The following SNCAIP variants were observed in gnomAD, a reference collection of about 807,000 sequenced individuals.
SNCAIP encodes synuclein alpha interacting protein.
SNCAIP carries 43 observed loss-of-function variants against 86.7 expected under a neutral mutation model. The ratio of observed to expected loss-of-function variants is 0.50; its 90% confidence interval spans 0.39 to 0.64. The LOEUF (loss-of-function observed/expected upper bound fraction) is 0.64, where lower values mean the gene tolerates loss of function less well. SNCAIP is among the 30% of genes least tolerant of loss of function. The pLI, the probability that SNCAIP is intolerant of heterozygous loss-of-function variation, is 0.00. For synonymous variants in SNCAIP, 417 were observed against 427.2 expected, an observed-to-expected ratio of 0.98 and a Z score of 0.29; for missense variants, 981 against 1,103.1, an observed-to-expected ratio of 0.89 and a Z score of 1.57.
chr5:122,383,724 G>A (rs530277613), intron 1 of SNCAIP, among the ~76,000 whole-genome samples: 1 of 152,132 alleles, frequency 6.6e-6, no homozygotes, highest in African/African-American at 2.4e-5. Flanking sequence ...GAATTTTAAT[G>A]TATAAATTAA....
chr5:122,387,796 A>G (rs1768507152), intron 1 of SNCAIP, among the ~76,000 whole-genome samples: 1 of 152,222 alleles, frequency 6.6e-6, no homozygotes, highest in African/African-American at 2.4e-5. Flanking sequence ...TTTTCCTAGT[A>G]CTAAGAGATA....
In SNCAIP at chr5:122,423,445, C is replaced by G; in HGVS notation, c.708C>G (p.Thr236=). The G allele has an allele frequency of 6.2e-7, 1 of 1,613,704 alleles. No homozygotes were observed. The highest frequency in any genetic ancestry group is 8.5e-7 in the Non-Finnish European group (1 of 1,179,912). ...AGCACAAGCTGTCCACTGAAGAAAC[C>G]GAGATCTCACCTCCTCTGGTTAAAT... is the stretch of plus-strand genomic sequence containing the variant. ...HDQHKLSTEE[T]EISPPLVKCG... The change falls in exon 4 of 11, where the codon ACC becomes ACG. Residue 236 remains threonine (T), a synonymous_variant. Transcript: ENST00000261368.
At chr5:122,383,114 G>A in intron 1 of SNCAIP, among the ~76,000 whole-genome samples, 1 of 152,204 alleles carries the variant, frequency 6.6e-6, no homozygotes, top group Non-Finnish European at 1.5e-5. Flanking sequence ...GCAAGCCTGG[G>A]CAATGGCAGG....
At chr5:122,444,288 C>A in intron 7 of SNCAIP, 1 of 525,328 alleles carries the variant, frequency 1.9e-6, no homozygotes, top group Non-Finnish European at 3.6e-6. Flanking sequence ...CTCCCCACCA[C>A]AAAGACTGCA....
chr5:122,390,400 C>A (rs961978645), intron 1 of SNCAIP, among the ~76,000 whole-genome samples: 1 of 152,102 alleles, frequency 6.6e-6, no homozygotes. Context: ...TTGCCCCAGG[C>A]GGCCCTGAGG....
chr5:122,425,674 G>A, intron 5 of SNCAIP, 143 bp downstream of exon 5: 1 of 696,496 alleles, frequency 1.4e-6, no homozygotes, highest in Non-Finnish European at 2.5e-6. Context: ...ATTTAAGAGA[G>A]TAATCATTTC....
At chr5:122,380,698 A>C (rs1160286065) in intron 1 of SNCAIP, among the ~76,000 whole-genome samples, 1 of 148,892 alleles carries the variant, frequency 6.7e-6, no homozygotes, top group Non-Finnish European at 1.5e-5. Context: ...ATTTCCCTCT[A>C]CACACTGCTT....
At chr5:122,430,959 TTAAGA>T (rs1778301557) in intron 5 of SNCAIP, among the ~76,000 whole-genome samples, 1 of 152,190 alleles carries the variant, frequency 6.6e-6, no homozygotes, top group Admixed American at 6.5e-5. Context: ...ATTTTACTAA[TTAAGA>T]TATTTACCTC....
chr5:122,440,593 A>G lies in SNCAIP; in HGVS notation c.1297-36A>G, dbSNP rs1166927058. ...TCTTTTTATCTAACTTCTCTGCAAG[A>G]TATTACATGAATTCCAACTGTCTTT... On this transcript the variant is annotated intron_variant, in intron 6 of 10. Transcript: ENST00000261368. 4 of 1,603,380 alleles carry G rather than the reference A, an allele frequency of 2.5e-6. No individual in the cohort carries two copies. The African/African-American group carries it at 4.0e-5, about 16-fold the overall frequency.
chr5:122,423,218 T>A lies in SNCAIP; in HGVS notation c.481T>A (p.Ser161Thr). The change falls in exon 4 of 11, where the codon TCC becomes ACC. Residue 161 changes from serine to threonine, a missense_variant. Coordinates refer to ENST00000261368, the MANE Select transcript of SNCAIP (RefSeq NM_005460.4). Reference protein sequence around the residue: ...DEILDVPYIKSSQQLASFTKV... With the variant: ...DEILDVPYIKTSQQLASFTKV... ...GATTCTGGATGTGCCTTATATTAAATCCAGTCAGCAGCTTGCCTCTTTTAC... is the reference window on the plus strand; with the variant it reads ...GATTCTGGATGTGCCTTATATTAAAACCAGTCAGCAGCTTGCCTCTTTTAC... 2.5e-6 allele frequency: 4 copies of A among 1,614,152 alleles called. No individual in the cohort carries two copies. Among genetic ancestry groups the A allele is most frequent in the Non-Finnish European group, 3.4e-6 (4 of 1,180,034 alleles).
chr5:122,407,047 C>G (rs1773151249), intron 3 of SNCAIP, among the ~76,000 whole-genome samples: 1 of 151,920 alleles, frequency 6.6e-6, no homozygotes, highest in South Asian at 2.1e-4. Flanking sequence ...GTCCTCTGGC[C>G]CAGGTACTGA....
intron 8 of SNCAIP, among the ~76,000 whole-genome samples, chr5:122,446,816 G>T (rs3811876): frequency 0.05 from 7,631 of 152,252 alleles, 256 homozygotes; most frequent in East Asian, 0.17. Context: ...AATTCTGGGG[G>T]AAGACAGTCT....
chr5:122,328,649 T>G (rs761127437), intron 1 of SNCAIP, among the ~76,000 whole-genome samples: 37 of 152,252 alleles, frequency 2.4e-4, no homozygotes, highest in Non-Finnish European at 5.1e-4. Context: ...TTCTACACCT[T>G]TCTGATCAGT....
intron 1 of SNCAIP, among the ~76,000 whole-genome samples, chr5:122,330,339 T>C (rs2152694367): frequency 6.6e-6 from 1 of 152,108 alleles, no homozygotes; most frequent in Non-Finnish European, 1.5e-5. Flanking sequence ...GCCGGGATGG[T>C]CTCGAGCTCC....
chr5:122,423,699 G>C lies in SNCAIP; in HGVS notation c.962G>C (p.Ser321Thr), dbSNP rs766782352. 10 of 1,604,852 alleles carry C rather than the reference G, an allele frequency of 6.2e-6. No homozygotes were observed. Among genetic ancestry groups the C allele is most frequent in the Non-Finnish European group, 8.5e-6 (10 of 1,179,902 alleles). Residue 321 changes from serine (S) to threonine (T), a missense_variant, in exon 4 of 11, where the codon AGC (serine) becomes ACC (threonine). Ser to Thr is a moderately conservative substitution (Grantham distance 58, BLOSUM62 1). Coordinates refer to ENST00000261368, the MANE Select transcript of SNCAIP (RefSeq NM_005460.4). Reference sequence around the variant, plus strand: ...AGTGAGTATCTGAAAAAAGTGAAAAGCATCTTGAACATTGTTAAAGAAGGA... The same window carrying C: ...AGTGAGTATCTGAAAAAAGTGAAAACCATCTTGAACATTGTTAAAGAAGGA... Reference protein sequence around the residue: ...ERSEYLKKVKSILNIVKEGQI... With the variant: ...ERSEYLKKVKTILNIVKEGQI...
At chr5:122,366,784 T>G (rs1427132480) in intron 1 of SNCAIP, among the ~76,000 whole-genome samples, 2 of 152,068 alleles carry the variant, frequency 1.3e-5, no homozygotes, top group African/African-American at 4.8e-5. Flanking sequence ...ATCTTCCCTG[T>G]AGGCAGTGGG....
At chr5:122,383,866 C>G (rs549154198) in intron 1 of SNCAIP, among the ~76,000 whole-genome samples, 1 of 152,270 alleles carries the variant, frequency 6.6e-6, no homozygotes, top group East Asian at 1.9e-4. Context: ...TGGTCATAAT[C>G]CAATTTTCTT....
chr5:122,333,945 G>A (rs1755891570), intron 1 of SNCAIP, among the ~76,000 whole-genome samples: 1 of 152,188 alleles, frequency 6.6e-6, no homozygotes, highest in South Asian at 2.1e-4. Context: ...GAAATGGAAT[G>A]TATACTGTGG....
At chr5:122,390,278 A>G (rs1191386007) in intron 1 of SNCAIP, among the ~76,000 whole-genome samples, 2 of 152,156 alleles carry the variant, frequency 1.3e-5, no homozygotes, top group African/African-American at 4.8e-5. Flanking sequence ...GGAGATCTAT[A>G]TTTCTGCTCT....
Sources: allele counts gnomAD v4.1 joint callset (sites outside exome capture counted in the v4.1 genomes callset), GRCh38; gene constraint gnomAD v4.1.1; transcripts MANE v1.5; gene names NCBI Gene and HGNC (gene_info 2026-07-23, HGNC 2026-07-21).